Variants in FOXP1 observed in about 807,000 individuals in gnomAD.
FOXP1 encodes the protein forkhead box protein P1.
Under a neutral mutation model 98.2 loss-of-function variants are expected in FOXP1, and 15 were observed. The observed-to-expected ratio is 0.15, with a 90% CI of 0.10 to 0.24. FOXP1 has a LOEUF of 0.24. FOXP1 is among the 10% of genes least tolerant of loss of function. The pLI is 1.00. For missense variants in FOXP1, 633 were observed against 848.5 expected, an observed-to-expected ratio of 0.75 and a Z score of 3.15; for synonymous variants, 371 against 314.5, an observed-to-expected ratio of 1.18 and a Z score of -1.90.
At chr3:71,258,758 G>C (rs1321721168) in intron 5 of FOXP1, among the ~76,000 whole-genome samples, 4 of 152,190 alleles carry the variant, frequency 2.6e-5, no homozygotes, top group Non-Finnish European at 4.4e-5. Flanking sequence ...CTATCTTTTT[G>C]AACTGAAGCA....
At chr3:71,384,382 A>C (rs1417860017) in intron 3 of FOXP1, among the ~76,000 whole-genome samples, 2 of 152,192 alleles carry the variant, frequency 1.3e-5, no homozygotes, top group Admixed American at 6.5e-5. Context: ...ACTCTGAGAG[A>C]AGAGAGAAAA....
At chr3:71,317,155 C>T (rs1344272933) in intron 4 of FOXP1, among the ~76,000 whole-genome samples, 1 of 152,226 alleles carries the variant, frequency 6.6e-6, no homozygotes, top group Non-Finnish European at 1.5e-5. Context: ...GAATATTTTA[C>T]TATCCTGTGT....
At chr3:71,192,817 CTT>C (rs2063069527) in intron 6 of FOXP1, among the ~76,000 whole-genome samples, 1 of 151,922 alleles carries the variant, frequency 6.6e-6, no homozygotes, top group Non-Finnish European at 1.5e-5. Context: ...CCCTAGATAA[CTT>C]TTGCATTTTT....
chr3:71,185,323 G>A (rs2062581718), intron 6 of FOXP1, among the ~76,000 whole-genome samples: 1 of 152,138 alleles, frequency 6.6e-6, no homozygotes, highest in African/African-American at 2.4e-5. Context: ...AAAGTTGGAA[G>A]GGAGAAAATA....
At position 71,500,281 on chromosome 3, in the gene FOXP1, T is replaced by C. The variant is rs149646781; in HGVS notation, c.-297-6726A>G. ...ACTTTTCTAGCTCTGAGGCTCAACC[T>C]GAAACCTTTTCGGTTTGTTTGTTTA... On this transcript the variant is annotated intron_variant, in intron 2 of 20. Transcript: ENST00000649528. Among the ~76,000 whole-genome samples the C allele has an allele frequency of 6.5e-4, 99 of 152,384 alleles. 2 individuals carry two copies. The East Asian group carries it at 0.017, about 26-fold the overall frequency.
chr3:71,308,755 G>A (rs1479285957), intron 4 of FOXP1, among the ~76,000 whole-genome samples: 93 of 10,168 alleles, frequency 9.1e-3, no homozygotes, highest in Admixed American at 0.011. Context: ...CACAATGTGT[G>A]TGTGTGTGTG....
rs969415849 is a variant in FOXP1 at position 71,354,795 on chromosome 3, T to C, written c.-73+4355A>G. On this transcript the variant is annotated intron_variant, in intron 4 of 20. Transcript: ENST00000649528. ...TCCAGACGTTGTGCAAAGTGCTTTA[T>C]ACGTACCATCTAATTTAATCCTCGC... Among the ~76,000 whole-genome samples the C allele has an allele frequency of 1.2e-4, 18 of 152,228 alleles. 1 individual carries two copies. The highest frequency in any genetic ancestry group is 4.1e-4 in the African/African-American group (17 of 41,454).
chr3:71,064,915 G>A lies in FOXP1; in HGVS notation c.283-11142C>T, dbSNP rs2052195390. On this transcript the variant is annotated intron_variant, in intron 7 of 20. Coordinates refer to ENST00000649528, the MANE Select transcript of FOXP1 (RefSeq NM_001349338.3). ...TGGGGTCCGGCGGCCTCGGCGTGCAGGCGGACTGCACGCGCGCAGGGGCGC... is the reference window on the plus strand; with the variant it reads ...TGGGGTCCGGCGGCCTCGGCGTGCAAGCGGACTGCACGCGCGCAGGGGCGC... 5.3e-6 allele frequency: 3 copies of A among 562,140 alleles called. No individual in the cohort carries two copies. The South Asian group carries it at 2.3e-4, about 43-fold the overall frequency. 34.8% of individuals were successfully genotyped at this position (562,140 alleles called of 1,614,324 possible).
intron 2 of FOXP1, among the ~76,000 whole-genome samples, chr3:71,525,720 A>AG (rs2043323810): frequency 6.6e-6 from 1 of 151,984 alleles, no homozygotes; most frequent in Non-Finnish European, 1.5e-5. Flanking sequence ...CTGGCAAGTG[A>AG]TTTTCTAATT....
intron 4 of FOXP1, among the ~76,000 whole-genome samples, chr3:71,320,318 T>G (rs1306750647): frequency 3.3e-5 from 5 of 151,958 alleles, no homozygotes; most frequent in African/African-American, 1.2e-4. Flanking sequence ...GTGCTGGATG[T>G]TAGCCGCTGC....
At position 70,967,720 on chromosome 3, in the gene FOXP1, T is replaced by G. The variant is rs2293170; in HGVS notation, c.1723-1664A>C. On this transcript the variant is annotated intron_variant, in intron 19 of 20. Transcript: ENST00000649528. ...TTTTTGTTTTTTTTTGTTTTTTTTTTTTTTTTTTGCAAACTGCAGTTGGAC... is the reference window on the plus strand; with the variant it reads ...TTTTTGTTTTTTTTTGTTTTTTTTTGTTTTTTTTGCAAACTGCAGTTGGAC... Among the ~76,000 whole-genome samples the G allele has an allele frequency of 3.7e-3, 533 of 143,582 alleles. 4 individuals carry two copies. The highest frequency in any genetic ancestry group is 0.034 in the East Asian group (171 of 5,000). 94.2% of individuals were successfully genotyped at this position (143,582 alleles called of 152,430 possible). A position where few individuals can be genotyped will look rare whatever the true frequency, so the allele number is the denominator to read the frequency against.
At chr3:71,182,500 A>ATGTG (rs201090847) in intron 6 of FOXP1, among the ~76,000 whole-genome samples, 9,354 of 138,088 alleles carry the variant, frequency 0.068, 697 homozygotes, top group African/African-American at 0.18. Flanking sequence ...TAAACTATAT[A>ATGTG]TATGTGTGTG....
chr3:71,342,452 C>G (rs2077063867), intron 4 of FOXP1, among the ~76,000 whole-genome samples: 1 of 152,128 alleles, frequency 6.6e-6, no homozygotes, highest in Admixed American at 6.5e-5. Flanking sequence ...GGTGGATCAC[C>G]TGAGGTCAGG....
intron 3 of FOXP1, among the ~76,000 whole-genome samples, chr3:71,461,318 C>G (rs920750414): frequency 2.0e-5 from 3 of 152,148 alleles, no homozygotes; most frequent in African/African-American, 7.2e-5. Flanking sequence ...AAAAGTCAAA[C>G]TAACATCACG....
chr3:71,359,925 T>G lies in FOXP1; in HGVS notation c.-167-681A>C, dbSNP rs12233600. ...ATCCTGCCGCAGCCTCCCGAGTAGC[T>G]GGGATTACAGGTGTCCGCCACCGTG... is the stretch of plus-strand genomic sequence containing the variant. On this transcript the variant is annotated intron_variant, in intron 3 of 20. Transcript: ENST00000649528. 0.03 allele frequency among the ~76,000 whole-genome samples: 4,633 copies of G among 152,204 alleles called. 567 individuals are homozygous for G. The East Asian group carries it at 0.41, about 14-fold the overall frequency.
At chr3:71,237,228 T>C (rs1194141668) in intron 5 of FOXP1, among the ~76,000 whole-genome samples, 3 of 37,060 alleles carry the variant, frequency 8.1e-5, no homozygotes, top group South Asian at 1.0e-3. Context: ...CAAGACTCCA[T>C]CTGAAAAAAA....
rs147479762 is a variant in FOXP1, at chr3:71,253,004, C to T, written c.-12+46816G>A. On this transcript the variant is annotated intron_variant, in intron 5 of 20. Coordinates refer to ENST00000649528, the MANE Select transcript of FOXP1 (RefSeq NM_001349338.3). ...GAGACAGAGGTGACAGCAGCATCCA[C>T]AATGCAGCTGACACCATGAGCAGGC... 6.5e-3 allele frequency among the ~76,000 whole-genome samples: 984 copies of T among 152,300 alleles called. 9 individuals are homozygous for T. The highest frequency in any genetic ancestry group is 0.041 in the Middle Eastern group (12 of 294).
chr3:71,446,281 A>T (rs1052512231), intron 3 of FOXP1, among the ~76,000 whole-genome samples: 13 of 152,148 alleles, frequency 8.5e-5, no homozygotes, highest in African/African-American at 2.4e-4. Context: ...GCTCGGGCAC[A>T]GTGGTGGTAG....
At chr3:70,980,094 T>C (rs924284927) in intron 14 of FOXP1, among the ~76,000 whole-genome samples, 5 of 152,156 alleles carry the variant, frequency 3.3e-5, no homozygotes, top group African/African-American at 1.2e-4. Flanking sequence ...TTCTCTATAA[T>C]GTTGGAAACC....
Sources: allele counts gnomAD v4.1 joint callset (sites outside exome capture counted in the v4.1 genomes callset), GRCh38; gene constraint gnomAD v4.1.1; transcripts MANE v1.5; gene names NCBI Gene and HGNC (gene_info 2026-07-23, HGNC 2026-07-21).